SNRPD1: variants seen among roughly 807,000 people sequenced by gnomAD.
SNRPD1 encodes the protein small nuclear ribonucleoprotein Sm D1.
In SNRPD1, 1 loss-of-function variant was observed where a neutral mutation model predicts 14.4. The observed-to-expected ratio is 0.07, with a 90% CI of 0.02 to 0.33. The LOEUF (loss-of-function observed/expected upper bound fraction) is 0.33, where lower values mean the gene tolerates loss of function less well. Ranked by LOEUF, SNRPD1 falls within the 10% of genes least tolerant of loss-of-function variation. The pLI is 1.00. For synonymous variants in SNRPD1, 42 were observed against 50.3 expected (o/e 0.83, Z 0.70); for missense variants, 52 against 146.4 (o/e 0.36, Z 3.33).
intron 1 of SNRPD1, among the ~76,000 whole-genome samples, chr18:21,622,435 T>C (rs923221801): frequency 1.3e-5 from 2 of 152,174 alleles, no homozygotes; most frequent in Non-Finnish European, 2.9e-5. Flanking sequence ...CCACCACGCC[T>C]GGCCTATTTC....
intron 1 of SNRPD1, among the ~76,000 whole-genome samples, chr18:21,618,432 G>C (rs1432860883): frequency 1.3e-5 from 2 of 150,234 alleles, no homozygotes; most frequent in African/African-American, 4.9e-5. Context: ...GAGCCACCGC[G>C]CCTGGCCACA....
intron 1 of SNRPD1, among the ~76,000 whole-genome samples, chr18:21,618,542 T>C (rs921226741): frequency 6.6e-6 from 1 of 152,026 alleles, no homozygotes; most frequent in Non-Finnish European, 1.5e-5. Context: ...AGTAAATTCG[T>C]GTAAAAGATA....
At chr18:21,625,323 T>TTTTTTTTTTTTTTTTTTTTTTTG (rs2039029520) in intron 3 of SNRPD1, among the ~76,000 whole-genome samples, 1 of 140,762 alleles carries the variant, frequency 7.1e-6, no homozygotes, top group Non-Finnish European at 1.5e-5. Context: ...AAAATTTTTT[T>TTTTTTTTTTTTTTTTTTTTTTTG]TTTTTTTTTT....
At chr18:21,626,996 A>G (rs888373643) in intron 3 of SNRPD1, among the ~76,000 whole-genome samples, 7 of 150,102 alleles carry the variant, frequency 4.7e-5, no homozygotes, top group African/African-American at 1.2e-4. Context: ...AAAAAAAAAA[A>G]AAGAAGCAGC....
Position 21,629,189 on chromosome 18 carries a change from G to A in SNRPD1, c.*51G>A, listed in dbSNP as rs376057482. ...TGAGATTTGGGATATTTTTTGTACAGGTTGTGTTTGTTTATGTCAGTTTTT... is the reference window on the plus strand; with the variant it reads ...TGAGATTTGGGATATTTTTTGTACAAGTTGTGTTTGTTTATGTCAGTTTTT... On this transcript the variant is annotated 3_prime_UTR_variant, in exon 4 of 4. Coordinates refer to ENST00000300413, the MANE Select transcript of SNRPD1 (RefSeq NM_006938.4). 2.2e-6 allele frequency: 3 copies of A among 1,355,654 alleles called. No individual in the cohort carries two copies. In the African/African-American group the frequency reaches 4.3e-5, roughly 19 times the overall value. 84.0% of individuals were successfully genotyped at this position (1,355,654 alleles called of 1,614,324 possible). A position where few individuals can be genotyped will look rare whatever the true frequency, so the allele number is the denominator to read the frequency against.
At chr18:21,623,468 C>T (rs899092486) in intron 2 of SNRPD1, among the ~76,000 whole-genome samples, 3 of 152,170 alleles carry the variant, frequency 2.0e-5, no homozygotes, top group African/African-American at 4.8e-5. Flanking sequence ...CCTGTCACAT[C>T]AGTAGTGAGC....
At position 21,621,218 on chromosome 18, in the gene SNRPD1, A is replaced by AT. The variant is rs538788593; in HGVS notation, c.15-1501dup. 4.7e-4 allele frequency among the ~76,000 whole-genome samples: 72 copies of AT among 152,132 alleles called. No homozygotes were observed. In the East Asian group the frequency reaches 0.011, roughly 23 times the overall value. ...CTCACAGGTAATTAAGGAAAAGCAAATTTTTTCCCCATCAAATTGACAAAA... is the reference window on the plus strand; with the variant it reads ...CTCACAGGTAATTAAGGAAAAGCAAATTTTTTTCCCCATCAAATTGACAAAA... On this transcript the variant is annotated intron_variant, in intron 1 of 3. Coordinates refer to ENST00000300413, the MANE Select transcript of SNRPD1 (RefSeq NM_006938.4).
At chr18:21,625,562 C>T (rs1381023646) in intron 3 of SNRPD1, among the ~76,000 whole-genome samples, 1 of 151,850 alleles carries the variant, frequency 6.6e-6, no homozygotes, top group South Asian at 2.1e-4. Context: ...GTGATCCACC[C>T]GCCTCGGCCT....
At chr18:21,614,935 T>G (rs1304927849) in intron 1 of SNRPD1, among the ~76,000 whole-genome samples, 1 of 152,230 alleles carries the variant, frequency 6.6e-6, no homozygotes, top group Non-Finnish European at 1.5e-5. Flanking sequence ...GTTCAGGCCC[T>G]TTTTATCCCA....
intron 1 of SNRPD1, among the ~76,000 whole-genome samples, chr18:21,618,614 T>C (rs1369300469): frequency 6.6e-6 from 1 of 152,160 alleles, no homozygotes; most frequent in African/African-American, 2.4e-5. Context: ...TTTCTAGTTA[T>C]AATTGATTGT....
Position 21,629,151 on chromosome 18 carries a change from T to C in SNRPD1, c.*13T>C. 1.3e-6 allele frequency: 2 copies of C among 1,588,050 alleles called. No homozygotes were observed. The highest frequency in any genetic ancestry group is 1.7e-6 in the Non-Finnish European group (2 of 1,156,608). Reference sequence around the variant, plus strand: ...TCCTAGGCGATAATGTCTCTCAAGATTTCAAAGTCATATGAGATTTGGGAT... The same window carrying C: ...TCCTAGGCGATAATGTCTCTCAAGACTTCAAAGTCATATGAGATTTGGGAT... On this transcript the variant is annotated 3_prime_UTR_variant, in exon 4 of 4. Coordinates refer to ENST00000300413, the MANE Select transcript of SNRPD1 (RefSeq NM_006938.4).
chr18:21,629,001 G>C (rs941661717), intron 3 of SNRPD1, 61 bp from the exon 4 acceptor site: 8 of 1,222,604 alleles, frequency 6.5e-6, no homozygotes, highest in Non-Finnish European at 9.7e-6. Flanking sequence ...GTTGTTTGTG[G>C]TGTCTAGGTA....
At chr18:21,624,562 G>A (rs1290611799) in intron 3 of SNRPD1, among the ~76,000 whole-genome samples, 1 of 151,510 alleles carries the variant, frequency 6.6e-6, no homozygotes, top group Non-Finnish European at 1.5e-5. Context: ...GTGGTGGTGC[G>A]TGCCTTTAGT....
intron 3 of SNRPD1, among the ~76,000 whole-genome samples, chr18:21,628,358 T>A (rs2039055958): frequency 6.6e-6 from 1 of 152,098 alleles, no homozygotes. Context: ...GACTACAGAG[T>A]GAGACCCTGT....
intron 1 of SNRPD1, among the ~76,000 whole-genome samples, chr18:21,615,248 C>G (rs2038948676): frequency 6.6e-6 from 1 of 152,182 alleles, no homozygotes; most frequent in East Asian, 1.9e-4. Context: ...TTTTGAGATT[C>G]ATCCACATTG....
chr18:21,617,807 C>T (rs964534895), intron 1 of SNRPD1, among the ~76,000 whole-genome samples: 6 of 151,768 alleles, frequency 4.0e-5, no homozygotes, highest in South Asian at 2.1e-4. Flanking sequence ...GGTAAAACCC[C>T]GTCTCTACTA....
intron 1 of SNRPD1, among the ~76,000 whole-genome samples, chr18:21,619,104 A>C (rs991727827): frequency 6.6e-6 from 1 of 152,212 alleles, no homozygotes; most frequent in African/African-American, 2.4e-5. Context: ...TTATGGTTAT[A>C]TAGGAGAATG....
At chr18:21,616,414 A>G (rs1026964877) in intron 1 of SNRPD1, among the ~76,000 whole-genome samples, 1 of 151,516 alleles carries the variant, frequency 6.6e-6, no homozygotes, top group Non-Finnish European at 1.5e-5. Flanking sequence ...CTGGAGTACA[A>G]TTGTGCGATC....
Position 21,632,857 on chromosome 18 carries a change from T to TCTC in SNRPD1, c.*3719_*3720insCTC, listed in dbSNP as rs762709657. The TCTC allele has an allele frequency of 2.9e-5, 4 of 137,780 alleles. No homozygotes were observed. The highest frequency in any genetic ancestry group is 3.2e-5 in the Non-Finnish European group (2 of 61,906). The allele number at this position is 137,780 out of a possible 1,614,324, so 8.5% of individuals were successfully genotyped here. ...TTTCTTTTCTTTTCTTTTCTTTTCT[T>TCTC]TTTTTTTTTTTGAGACAGAGTCTAG... On this transcript the variant is annotated 3_prime_UTR_variant, in exon 4 of 4. Coordinates refer to ENST00000300413, the MANE Select transcript of SNRPD1 (RefSeq NM_006938.4).
Sources: allele counts gnomAD v4.1 joint callset (sites outside exome capture counted in the v4.1 genomes callset), GRCh38; gene constraint gnomAD v4.1.1; transcripts MANE v1.5; gene names NCBI Gene and HGNC (gene_info 2026-07-23, HGNC 2026-07-21).